ADAM9: variants seen among roughly 807,000 people sequenced by gnomAD.
The protein encoded by ADAM9 is ADAM metallopeptidase domain 9.
A neutral mutation model predicts 108.1 loss-of-function variants in ADAM9; 54 were observed. The ratio of observed to expected loss-of-function variants is 0.50; its 90% CI spans 0.40 to 0.63. The LOEUF is 0.63. Among genes scored for constraint, ADAM9 ranks in the 20% least tolerant of loss-of-function variants. The pLI, the probability that ADAM9 is intolerant of heterozygous loss-of-function variation, is 0.00. For missense variants in ADAM9, 830 were observed against 997.7 expected (o/e 0.83, Z 2.26); for synonymous variants, 316 against 336.0 (o/e 0.94, Z 0.65).
chr8:39,018,384 A>G (rs1425150522), intron 6 of ADAM9, among the ~76,000 whole-genome samples: 1 of 152,196 alleles, frequency 6.6e-6, no homozygotes, highest in Non-Finnish European at 1.5e-5. Context: ...TAAAATGGCA[A>G]CCTTATTCTA....
intron 11 of ADAM9, among the ~76,000 whole-genome samples, chr8:39,041,732 C>A (rs1402477600): frequency 6.6e-6 from 1 of 152,074 alleles, no homozygotes; most frequent in Non-Finnish European, 1.5e-5. Flanking sequence ...ATTGGAAGTA[C>A]AATATATTGT....
intron 4 of ADAM9, chr8:39,014,791 T>C: frequency 2.2e-6 from 1 of 445,282 alleles, no homozygotes; most frequent in Non-Finnish European, 3.9e-6. Context: ...TAGCGCACTT[T>C]TGCAGCATTC....
chr8:39,055,884 C>T (rs531842162), intron 14 of ADAM9, 112 bp downstream of exon 14: 434 of 1,114,062 alleles, frequency 3.9e-4, no homozygotes, highest in Non-Finnish European at 5.0e-4. Context: ...TCTTGTTTCT[C>T]ATCGTATTTC....
At chr8:39,042,949 TCTGTTCACTG>T (rs1467241174) in intron 12 of ADAM9, among the ~76,000 whole-genome samples, 1 of 152,176 alleles carries the variant, frequency 6.6e-6, no homozygotes, top group Non-Finnish European at 1.5e-5. Context: ...CCACCACTAT[TCTGTTCACTG>T]CTTTTATGAA....
chr8:39,096,697 G>C (rs1839518375), intron 20 of ADAM9, among the ~76,000 whole-genome samples: 1 of 151,716 alleles, frequency 6.6e-6, no homozygotes, highest in African/African-American at 2.4e-5. Flanking sequence ...TTGCTCCTCT[G>C]CCACTTTGAT....
chr8:39,069,494 T>A (rs774616438), intron 14 of ADAM9, among the ~76,000 whole-genome samples: 3 of 152,210 alleles, frequency 2.0e-5, no homozygotes, highest in Non-Finnish European at 4.4e-5. Flanking sequence ...TAAATATTTA[T>A]CAAATAAGTG....
intron 19 of ADAM9, among the ~76,000 whole-genome samples, chr8:39,090,696 A>G (rs555085997): frequency 2.6e-5 from 4 of 152,128 alleles, no homozygotes; most frequent in Non-Finnish European, 4.4e-5. Flanking sequence ...CTTAACACCA[A>G]TTTCTGATAG....
intron 11 of ADAM9, among the ~76,000 whole-genome samples, chr8:39,036,282 GTCAGCAAGCTTCCA>G (rs1415835579): frequency 1.3e-5 from 2 of 152,054 alleles, no homozygotes; most frequent in East Asian, 1.9e-4. Context: ...GCCCCTCAAT[GTCAGCAAGCTTCCA>G]TCAGCAAGCT....
intron 14 of ADAM9, among the ~76,000 whole-genome samples, chr8:39,057,335 A>C (rs1838157391): frequency 6.7e-6 from 1 of 148,860 alleles, no homozygotes; most frequent in Non-Finnish European, 1.5e-5. Flanking sequence ...TGAATCTAAT[A>C]TTTATATATA....
chr8:39,066,408 C>T (rs1254151808), intron 14 of ADAM9, among the ~76,000 whole-genome samples: 1 of 152,222 alleles, frequency 6.6e-6, no homozygotes, highest in South Asian at 2.1e-4. Context: ...TCCTCTCCAG[C>T]ACCTGTTGTT....
chr8:39,074,854 A>G (rs1455650257), intron 15 of ADAM9, among the ~76,000 whole-genome samples: 4 of 142,562 alleles, frequency 2.8e-5, no homozygotes, highest in Non-Finnish European at 6.1e-5. Context: ...TGCTTAACTT[A>G]TGTCTCTATC....
intron 20 of ADAM9, among the ~76,000 whole-genome samples, chr8:39,096,584 C>T (rs973184353): frequency 6.6e-6 from 1 of 152,300 alleles, no homozygotes; most frequent in Admixed American, 6.5e-5. Flanking sequence ...ACTCACATTA[C>T]AGTACTACAG....
intron 1 of ADAM9, among the ~76,000 whole-genome samples, chr8:38,999,838 A>G (rs1588314452): frequency 1.3e-5 from 2 of 152,248 alleles, no homozygotes; most frequent in African/African-American, 2.4e-5. Flanking sequence ...GCAAGCTCTA[A>G]GTAACTGGAA....
intron 20 of ADAM9, among the ~76,000 whole-genome samples, chr8:39,096,483 CCT>C (rs1320522827): frequency 2.0e-5 from 3 of 152,172 alleles, no homozygotes; most frequent in African/African-American, 7.2e-5. Flanking sequence ...CACAAAATTA[CCT>C]CTTTTTATAT....
chr8:39,045,098 G>GTGTGCATACATACATATATGTGTATA (rs1837615955), intron 12 of ADAM9, among the ~76,000 whole-genome samples: 2 of 33,438 alleles, frequency 6.0e-5, no homozygotes, highest in East Asian at 4.0e-3. Flanking sequence ...ATACATATGT[G>GTGTGCATACATACATATATGTGTATA]TGTGTGCATA....
At chr8:39,045,357 CATATAGGTGTGTGT>C (rs1837684039) in intron 12 of ADAM9, among the ~76,000 whole-genome samples, 1 of 75,280 alleles carries the variant, frequency 1.3e-5, no homozygotes, top group Admixed American at 1.8e-4. Flanking sequence ...TGTGTACATA[CATATAGGTGTGTGT>C]ACATACACCT....
intron 12 of ADAM9, among the ~76,000 whole-genome samples, chr8:39,050,830 G>GTTTTTTTTTTTTTT: frequency 1.2e-5 from 1 of 85,190 alleles, no homozygotes; most frequent in Non-Finnish European, 2.2e-5. Flanking sequence ...GCTTGGAAGT[G>GTTTTTTTTTTTTTT]TTTTTTTTTT....
chr8:39,071,177 G>A (rs761814537), intron 14 of ADAM9, 121 bp from the exon 15 acceptor site: 6 of 778,398 alleles, frequency 7.7e-6, no homozygotes, highest in Non-Finnish European at 1.0e-5. Context: ...GGTTTTCCAC[G>A]GTGTTGAGGG....
intron 3 of ADAM9, 39 bp from the exon 4 acceptor site, chr8:39,013,926 G>A: frequency 6.7e-7 from 1 of 1,494,822 alleles, no homozygotes; most frequent in Admixed American, 1.7e-5. Context: ...GTTGTAGATA[G>A]ATAACATATA....
Sources: gnomAD v4.1 joint callset for allele counts (sites outside exome capture counted in the v4.1 genomes callset) on GRCh38, gnomAD v4.1.1 for gene constraint, MANE v1.5 for transcripts, NCBI Gene and HGNC (gene_info 2026-07-23, HGNC 2026-07-21) for gene names.